Variants in RAC1 observed in about 807,000 individuals in gnomAD.
RAC1 encodes the protein Rac family small GTPase 1.
Under a neutral mutation model 25.2 loss-of-function variants are expected in RAC1, and 2 were observed. That is an observed-to-expected ratio of 0.08 (90% CI 0.03 to 0.25). The LOEUF is 0.25. Among genes scored for constraint, RAC1 ranks in the 10% least tolerant of loss-of-function variants. The probability of loss-of-function intolerance (pLI) is 1.00; values close to 1 mark genes in which losing one functional copy is unlikely to be tolerated. For missense variants in RAC1, 50 were observed against 235.7 expected (o/e 0.21, Z 5.16); for synonymous variants, 88 against 94.0 (o/e 0.94, Z 0.37).
chr7:6,402,642 T>C lies in RAC1; in HGVS notation c.*196T>C. On this transcript the variant is annotated 3_prime_UTR_variant, in exon 6 of 6. Coordinates refer to ENST00000348035, the MANE Select transcript of RAC1 (RefSeq NM_006908.5). ...AGTAATTTTAAGGTTTTGTTTGTTC[T>C]AAATGTAAGAGTTCAGACTCACATT... 1 of 504,098 alleles carries C rather than the reference T, an allele frequency of 2.0e-6. No individual in the cohort carries two copies. Among genetic ancestry groups the C allele is most frequent in the Non-Finnish European group, 3.2e-6 (1 of 312,326 alleles). 31.2% of individuals were successfully genotyped at this position (504,098 alleles called of 1,614,324 possible). A position where few individuals can be genotyped will look rare whatever the true frequency, so the allele number is the denominator to read the frequency against.
chr7:6,379,469 C>G (rs1462085379), intron 1 of RAC1, among the ~76,000 whole-genome samples: 1 of 152,000 alleles, frequency 6.6e-6, no homozygotes. Flanking sequence ...GACGAGGTTT[C>G]TCCTTGTTAG....
At chr7:6,383,813 T>C (rs957819519) in intron 1 of RAC1, among the ~76,000 whole-genome samples, 1 of 109,966 alleles carries the variant, frequency 9.1e-6, no homozygotes, top group African/African-American at 3.8e-5. Flanking sequence ...TTTTTTTTTT[T>C]TTTTTTGAGA....
At chr7:6,389,514 T>C (rs1172773425) in intron 2 of RAC1, among the ~76,000 whole-genome samples, 1 of 151,992 alleles carries the variant, frequency 6.6e-6, no homozygotes, top group Non-Finnish European at 1.5e-5. Flanking sequence ...ACCCTGTCTC[T>C]ACTAAAAATA....
At chr7:6,396,488 A>T (rs969227531) in intron 3 of RAC1, among the ~76,000 whole-genome samples, 1 of 152,136 alleles carries the variant, frequency 6.6e-6, no homozygotes. Context: ...GGAAAGTGGA[A>T]CTGCTCGCTC....
intron 3 of RAC1, among the ~76,000 whole-genome samples, chr7:6,397,903 C>T (rs1239327057): frequency 2.0e-5 from 3 of 152,108 alleles, no homozygotes; most frequent in South Asian, 4.1e-4. Context: ...GCAGGAGAAT[C>T]GCTTGAACCC....
At chr7:6,376,168 T>C (rs1353407892) in intron 1 of RAC1, among the ~76,000 whole-genome samples, 2 of 145,800 alleles carry the variant, frequency 1.4e-5, no homozygotes, top group Non-Finnish European at 3.0e-5. Context: ...GTATGTAGGC[T>C]ATTCAGGCTT....
At chr7:6,384,996 G>A (rs1376510298) in intron 1 of RAC1, among the ~76,000 whole-genome samples, 1 of 144,238 alleles carries the variant, frequency 6.9e-6, no homozygotes. Context: ...AGTAGAGAAC[G>A]GGTTTCTCCA....
intron 3 of RAC1, among the ~76,000 whole-genome samples, chr7:6,397,315 GAC>G (rs77790926): frequency 0.17 from 25,807 of 151,272 alleles, 3,006 homozygotes; most frequent in East Asian, 0.55. Context: ...CTCATTTTGA[GAC>G]AGGGTCTCGC....
Position 6,388,171 on chromosome 7 carries a change from C to T in RAC1, c.107+888C>T, listed in dbSNP as rs1240972270. Among the ~76,000 whole-genome samples, 6 of 151,924 alleles carry T rather than the reference C, an allele frequency of 3.9e-5. No individual in the cohort carries two copies. In the East Asian group the frequency reaches 9.7e-4, roughly 25 times the overall value. The stretch of plus-strand genomic sequence containing the variant: ...GCTCTGGTGATGGGTTACCCGGGAG[C>T]GCACGTAGCTGAGCCTCATAATGCA... On this transcript the variant is annotated intron_variant, in intron 2 of 5. Coordinates refer to ENST00000348035, the MANE Select transcript of RAC1 (RefSeq NM_006908.5).
At position 6,383,598 on chromosome 7, in the gene RAC1, T is replaced by G. The variant is rs35582150; in HGVS notation, c.36-3614T>G. Among the ~76,000 whole-genome samples the G allele has an allele frequency of 4.9e-3, 738 of 152,144 alleles. 3 individuals carry two copies. The highest frequency in any genetic ancestry group is 0.017 in the African/African-American group (707 of 41,522). The stretch of plus-strand genomic sequence containing the variant: ...AAGATGTCATTCAGGAAAGGAAGTT[T>G]AGAGGATTTTAGACACAGCTGGTTG... On this transcript the variant is annotated intron_variant, in intron 1 of 5. Coordinates refer to ENST00000348035, the MANE Select transcript of RAC1 (RefSeq NM_006908.5).
At chr7:6,402,280 C>A (rs759267914) in intron 5 of RAC1, 36 bp from the exon 6 acceptor site, 2 of 1,571,242 alleles carry the variant, frequency 1.3e-6, no homozygotes, top group South Asian at 2.3e-5. Context: ...AGAGTGGGGT[C>A]GAGTGTACAT....
intron 1 of RAC1, among the ~76,000 whole-genome samples, chr7:6,386,374 C>T (rs1343741285): frequency 6.6e-6 from 1 of 152,130 alleles, no homozygotes; most frequent in Non-Finnish European, 1.5e-5. Flanking sequence ...ACAGTCATTG[C>T]TGATTGCCAT....
chr7:6,386,999 C>CT (rs1420549597), intron 1 of RAC1, among the ~76,000 whole-genome samples: 6 of 151,610 alleles, frequency 4.0e-5, no homozygotes, highest in South Asian at 2.1e-4. Context: ...GCTCCTGACT[C>CT]TATCTTTCTG....
At chr7:6,384,846 A>C (rs1583261077) in intron 1 of RAC1, among the ~76,000 whole-genome samples, 1 of 152,250 alleles carries the variant, frequency 6.6e-6, no homozygotes, top group African/African-American at 2.4e-5. Flanking sequence ...TTTGTCCCTC[A>C]GACTGGATGC....
At chr7:6,379,405 G>C (rs1360518405) in intron 1 of RAC1, among the ~76,000 whole-genome samples, 1 of 151,494 alleles carries the variant, frequency 6.6e-6, no homozygotes, top group Non-Finnish European at 1.5e-5. Flanking sequence ...TTGTCGAGTA[G>C]GTGGGATTAC....
chr7:6,377,741 C>T (rs1782647887), intron 1 of RAC1, among the ~76,000 whole-genome samples: 1 of 152,052 alleles, frequency 6.6e-6, no homozygotes, highest in Non-Finnish European at 1.5e-5. Flanking sequence ...ATGGCGAAAC[C>T]TCGTCTCTAC....
At chr7:6,387,377 A>G (rs1782953189) in intron 2 of RAC1, 94 bp downstream of exon 2, 2 of 838,614 alleles carry the variant, frequency 2.4e-6, no homozygotes, top group Admixed American at 2.7e-5. Flanking sequence ...TTTAATCCTC[A>G]TATGAACAGA....
intron 1 of RAC1, among the ~76,000 whole-genome samples, chr7:6,385,456 TG>T (rs1466808840): frequency 6.6e-6 from 1 of 152,220 alleles, no homozygotes; most frequent in Non-Finnish European, 1.5e-5. Flanking sequence ...GAATTGGCCC[TG>T]GGTCTCAAAT....
intron 3 of RAC1, among the ~76,000 whole-genome samples, chr7:6,392,709 G>A (rs1479144579): frequency 6.6e-6 from 1 of 152,126 alleles, no homozygotes; most frequent in Non-Finnish European, 1.5e-5. Flanking sequence ...TTAAGCAGCG[G>A]TTTTACTTGT....
Sources: allele counts gnomAD v4.1 joint callset (sites outside exome capture counted in the v4.1 genomes callset), GRCh38; gene constraint gnomAD v4.1.1; transcripts MANE v1.5; gene names NCBI Gene and HGNC (gene_info 2026-07-23, HGNC 2026-07-21).